Variants in PCDHGB2 observed in about 807,000 individuals in gnomAD.
PCDHGB2 encodes the protein protocadherin gamma-B2.
Under a neutral mutation model 59.3 loss-of-function variants are expected in PCDHGB2, and 55 were observed. The ratio of observed to expected loss-of-function variants is 0.93; its 90% CI spans 0.75 to 1.16. PCDHGB2 has a LOEUF of 1.16. Ranked by LOEUF, PCDHGB2 falls within the 50% of genes most tolerant of loss-of-function variation. The pLI is 0.00. For missense variants in PCDHGB2, 1,228 were observed against 1,198.5 expected, an observed-to-expected ratio of 1.02 and a Z score of -0.36; for synonymous variants, 516 against 512.0, an observed-to-expected ratio of 1.01 and a Z score of -0.11.
rs1445356223 is a variant in PCDHGB2, at chr5:141,490,414, G to T, written c.2422-4393G>T. On this transcript the variant is annotated intron_variant, in intron 1 of 3. Transcript: ENST00000522605. This position sits in a 1 kb window ranked among gnomAD's most constrained non-coding sequence, Gnocchi z 5.4. ...TGAAGTGAGCCTTGATATCTCTCCGGACCTGCCATTTCAGATTAAGCCTTC... is the reference window on the plus strand; with the variant it reads ...TGAAGTGAGCCTTGATATCTCTCCGTACCTGCCATTTCAGATTAAGCCTTC... The T allele has an allele frequency of 1.2e-6, 2 of 1,614,138 alleles. No homozygotes were observed. The highest frequency in any genetic ancestry group is 1.7e-6 in the Non-Finnish European group (2 of 1,180,024).
intron 1 of PCDHGB2, chr5:141,410,199 A>G: frequency 6.2e-7 from 1 of 1,613,998 alleles, no homozygotes; most frequent in South Asian, 1.1e-5. Flanking sequence ...GTCTTCGCAG[A>G]CAACTTGCAA....
chr5:141,419,769 C>T (rs773303779), intron 1 of PCDHGB2: 6 of 1,613,888 alleles, frequency 3.7e-6, no homozygotes, highest in Non-Finnish European at 4.2e-6. Context: ...GACAAGGACT[C>T]GGTCCGCCAG....
At position 141,486,530 on chromosome 5, in the gene PCDHGB2, C is replaced by T; in HGVS notation, c.2422-8277C>T. 6.2e-7 allele frequency: 1 copy of T among 1,614,174 alleles called. No homozygotes were observed. The highest frequency in any genetic ancestry group is 8.5e-7 in the Non-Finnish European group (1 of 1,180,022). On this transcript the variant is annotated intron_variant, in intron 1 of 3. Transcript: ENST00000522605. The surrounding 1 kb of genome is among the most constrained non-coding windows in gnomAD (Gnocchi z 5.0). Reference sequence around the variant, plus strand: ...TATTTCAGATGTGAATGATAATCCACCCTCTTTCTTTCAGAGGTCACATGA... The same window carrying T: ...TATTTCAGATGTGAATGATAATCCATCCTCTTTCTTTCAGAGGTCACATGA...
In PCDHGB2 at chr5:141,489,523, C is replaced by CT. The variant is rs1379784656; in HGVS notation, c.2422-5283dup. On this transcript the variant is annotated intron_variant, in intron 1 of 3. Coordinates refer to ENST00000522605, the MANE Select transcript of PCDHGB2 (RefSeq NM_018923.3). The surrounding 1 kb of genome is among the most constrained non-coding windows in gnomAD (Gnocchi z 4.5). ...GAATCAAAAGATTGACCGAGAAAGC[C>CT]TATGTGGAGCCAGCACCAGCTGCCT... 1 of 1,614,006 alleles carries CT rather than the reference C, an allele frequency of 6.2e-7. No homozygotes were observed. Among genetic ancestry groups the CT allele is most frequent in the Non-Finnish European group, 8.5e-7 (1 of 1,180,044 alleles).
intron 1 of PCDHGB2, chr5:141,371,290 G>A (rs1233908065): frequency 6.2e-7 from 1 of 1,613,998 alleles, no homozygotes; most frequent in Non-Finnish European, 8.5e-7. Flanking sequence ...AGTAAAACGG[G>A]GGAACTCACC....
Position 141,423,176 on chromosome 5 carries a change from A to C in PCDHGB2, c.2421+60620A>C, listed in dbSNP as rs781125798. Reference sequence around the variant, plus strand: ...AGCCTCGTGGTGGCCGTCCAGGACCACGGCCAGCCCCCTCTCTCGGCCACC... The same window carrying C: ...AGCCTCGTGGTGGCCGTCCAGGACCCCGGCCAGCCCCCTCTCTCGGCCACC... On this transcript the variant is annotated intron_variant, in intron 1 of 3. Transcript: ENST00000522605. 1.7e-5 allele frequency: 28 copies of C among 1,613,356 alleles called. No homozygotes were observed. In the African/African-American group the frequency reaches 3.6e-4, roughly 21 times the overall value.
intron 1 of PCDHGB2, among the ~76,000 whole-genome samples, chr5:141,488,870 G>T (rs2099680071): frequency 6.6e-6 from 1 of 152,224 alleles, no homozygotes; most frequent in African/African-American, 2.4e-5. Context: ...TGAGTGGGGA[G>T]GTAGGAAGCT....
chr5:141,413,695 T>C lies in PCDHGB2; in HGVS notation c.2421+51139T>C, dbSNP rs573363878. The C allele has an allele frequency of 4.8e-5, 77 of 1,613,796 alleles. 1 individual carries two copies. The highest frequency in any genetic ancestry group is 3.0e-4 in the South Asian group (27 of 91,078). ...TGTGGGCGTGAACTCCCTGCAGAGC[T>C]ATCAGCTCAGCCCCAATAAGCACTT... On this transcript the variant is annotated intron_variant, in intron 1 of 3. Transcript: ENST00000522605.
chr5:141,494,076 G>A (rs538740530), intron 1 of PCDHGB2, among the ~76,000 whole-genome samples: 24 of 152,234 alleles, frequency 1.6e-4, no homozygotes, highest in African/African-American at 4.3e-4. Flanking sequence ...ATCCCTCCCC[G>A]CTGCATCCCT....
intron 1 of PCDHGB2, chr5:141,422,314 C>T: frequency 6.5e-7 from 1 of 1,547,838 alleles, no homozygotes; most frequent in Non-Finnish European, 8.7e-7. Context: ...AAACTCTCCT[C>T]CAGGTACAGT....
intron 1 of PCDHGB2, chr5:141,422,984 G>A (rs752694873): frequency 4.5e-5 from 73 of 1,614,112 alleles, no homozygotes; most frequent in Non-Finnish European, 5.9e-5. Flanking sequence ...GCGGAACCTG[G>A]CTACCTGGTG....
In PCDHGB2 at chr5:141,511,618, T is replaced by C. The variant is rs1227028784; in HGVS notation, c.*445T>C. 4.3e-6 allele frequency: 1 copy of C among 232,232 alleles called. No homozygotes were observed. Among genetic ancestry groups the C allele is most frequent in the East Asian group, 9.9e-5 (1 of 10,122 alleles). 14.4% of individuals were successfully genotyped at this position (232,232 alleles called of 1,614,324 possible). A position where few individuals can be genotyped will look rare whatever the true frequency, so the allele number is the denominator to read the frequency against. ...AAGTAACCTACAAGCCTCCTAGTTCTGAAAAGTTGGAAGGGCATCATGACC... is the reference window on the plus strand; with the variant it reads ...AAGTAACCTACAAGCCTCCTAGTTCCGAAAAGTTGGAAGGGCATCATGACC... On this transcript the variant is annotated 3_prime_UTR_variant, in exon 4 of 4. Transcript: ENST00000522605.
intron 1 of PCDHGB2, among the ~76,000 whole-genome samples, chr5:141,465,687 T>C (rs1290838979): frequency 1.3e-5 from 2 of 152,248 alleles, no homozygotes; most frequent in Non-Finnish European, 2.9e-5. Flanking sequence ...TTGACCAGTC[T>C]GCTTTTGCAT....
At chr5:141,420,458 CAA>C (rs1269245240) in intron 1 of PCDHGB2, 1 of 925,076 alleles carries the variant, frequency 1.1e-6, no homozygotes, top group Non-Finnish European at 1.5e-6. Context: ...TCCTACTATT[CAA>C]AGACATTTTA....
chr5:141,442,051 C>G (rs1384937090), intron 1 of PCDHGB2: 1 of 197,158 alleles, frequency 5.1e-6, no homozygotes, highest in East Asian at 1.8e-4. Context: ...CTACTGGTCG[C>G]GGTGCACTGC....
At chr5:141,413,622 T>C (rs1561743710) in intron 1 of PCDHGB2, 2 of 1,613,760 alleles carry the variant, frequency 1.2e-6, no homozygotes, top group Non-Finnish European at 1.7e-6. Flanking sequence ...TTAATGAAAA[T>C]GTCGCTGCGG....
chr5:141,500,554 C>A (rs2099801320), intron 2 of PCDHGB2, among the ~76,000 whole-genome samples: 1 of 152,212 alleles, frequency 6.6e-6, no homozygotes, highest in Admixed American at 6.5e-5. Context: ...AAGTTGTTCA[C>A]AAACTTGTCA....
At chr5:141,393,265 G>T (rs755014362) in intron 1 of PCDHGB2, 3 of 1,613,904 alleles carry the variant, frequency 1.9e-6, no homozygotes, top group South Asian at 1.1e-5. Flanking sequence ...CCTGGAGCAC[G>T]TTATCCACTC....
Position 141,360,292 on chromosome 5 carries a change from G to A in PCDHGB2, c.157G>A (p.Asp53Asn), listed in dbSNP as rs575305955. The change falls in exon 1 of 4, where the codon GAT (aspartate) becomes AAT (asparagine). Residue 53 changes from aspartate (D) to asparagine (N), a missense_variant. Asp to Asn is a conservative substitution (Grantham distance 23). Around this residue, in one of 3 missense-constraint regions of PCDHGB2, gnomAD observed 781 missense variants for 721.6 expected, o/e 1.08. Coordinates refer to ENST00000522605, the MANE Select transcript of PCDHGB2 (RefSeq NM_018923.3). ...CTCGGTCGTAGGAAACCTCGCCAAG[G>A]ATCTGGGGCTCAGCGTCCGGGACTT... ...KNSVVGNLAK[D>N]LGLSVRDLPA... 1.9e-6 allele frequency: 3 copies of A among 1,613,988 alleles called. No individual in the cohort carries two copies. In the East Asian group the frequency reaches 6.7e-5, roughly 36 times the overall value.
Sources: allele counts gnomAD v4.1 joint callset (sites outside exome capture counted in the v4.1 genomes callset), GRCh38; gene constraint gnomAD v4.1.1; regional missense constraint gnomAD v4.1.1; non-coding constraint Gnocchi (gnomAD v3.1); transcripts MANE v1.5; gene names NCBI Gene and HGNC (gene_info 2026-07-23, HGNC 2026-07-21).